Variants in CPNE2 observed in about 807,000 individuals in gnomAD.
CPNE2 encodes copine 2, also known as copine-2.
In CPNE2, 42 loss-of-function variants were observed where a neutral mutation model predicts 69.7. The observed-to-expected ratio is 0.60, with a 90% confidence interval of 0.47 to 0.78. CPNE2 has a LOEUF of 0.78. CPNE2 is among the 30% of genes least tolerant of loss of function. The pLI is 0.00. For missense variants in CPNE2, 587 were observed against 732.0 expected, an observed-to-expected ratio of 0.80 and a Z score of 2.29; for synonymous variants, 294 against 289.8, an observed-to-expected ratio of 1.01 and a Z score of -0.15.
rs889205535 is a variant in CPNE2 at position 57,132,752 on chromosome 16, G to A, written c.1117-2023G>A. 4.6e-5 allele frequency among the ~76,000 whole-genome samples: 7 copies of A among 152,170 alleles called. No homozygotes were observed. In the East Asian group the frequency reaches 7.7e-4, roughly 17 times the overall value. On this transcript the variant is annotated intron_variant, in intron 12 of 15. Coordinates refer to ENST00000290776, the MANE Select transcript of CPNE2 (RefSeq NM_152727.6). The stretch of plus-strand genomic sequence containing the variant: ...CTGAGCTGCCACTCCTGGTAGCATG[G>A]ACACTTGTCCCCAGGCCCCACTGTG...
chr16:57,093,849 G>C (rs923763425), intron 1 of CPNE2: 13 of 338,160 alleles, frequency 3.8e-5, no homozygotes, highest in Non-Finnish European at 7.0e-5. Context: ...TGGTTTTCAG[G>C]AAACAGGCGG....
chr16:57,138,250 T>C (rs2069897335), intron 14 of CPNE2, among the ~76,000 whole-genome samples: 1 of 152,180 alleles, frequency 6.6e-6, no homozygotes, highest in Non-Finnish European at 1.5e-5. Context: ...AGAGGGTTGC[T>C]GAAGTCACTT....
chr16:57,137,131 A>G lies in CPNE2; in HGVS notation c.1169-18A>G. 1 of 1,612,364 alleles carries G rather than the reference A, an allele frequency of 6.2e-7. No homozygotes were observed. The highest frequency in any genetic ancestry group is 8.5e-7 in the Non-Finnish European group (1 of 1,178,772). ...GGTCAGGGAGACCTGGCTGATCCAGACTCTTCTCCCGAGGCAGGTGTGGAT... is the reference window on the plus strand; with the variant it reads ...GGTCAGGGAGACCTGGCTGATCCAGGCTCTTCTCCCGAGGCAGGTGTGGAT... On this transcript the variant is annotated intron_variant, in intron 13 of 15. Transcript: ENST00000290776.
rs775923069 is a variant in CPNE2 at position 57,137,190 on chromosome 16, C to G, written c.1210C>G (p.His404Asp). The change falls in exon 14 of 16, where the codon CAC becomes GAC. Residue 404 changes from histidine (H) to aspartate (D), a missense_variant. Coordinates refer to ENST00000290776, the MANE Select transcript of CPNE2 (RefSeq NM_152727.6). ...IAQAYSACLP[H>D]IRFYGPTNFS... is the part of the protein sequence containing the mutation. ...CCAGGCGTACTCAGCTTGCCTGCCC[C>G]ACATCCGCTTCTACGGTCCTACCAA... The G allele has an allele frequency of 4.3e-6, 7 of 1,614,236 alleles. No individual in the cohort carries two copies. Among genetic ancestry groups the G allele is most frequent in the Non-Finnish European group, 5.1e-6 (6 of 1,180,044 alleles).
chr16:57,109,201 G>A (rs187438063), intron 1 of CPNE2, among the ~76,000 whole-genome samples: 98 of 152,274 alleles, frequency 6.4e-4, no homozygotes, highest in African/African-American at 2.3e-3. Context: ...ATAGCCAGGC[G>A]CGGTGGCTCA....
At chr16:57,103,924 GT>G (rs1156625565) in intron 1 of CPNE2, among the ~76,000 whole-genome samples, 1 of 152,072 alleles carries the variant, frequency 6.6e-6, no homozygotes, top group Non-Finnish European at 1.5e-5. Context: ...GTTGTTTTTT[GT>G]TTTTGTTTTG....
chr16:57,098,363 A>G lies in CPNE2; in HGVS notation c.-36+5573A>G, dbSNP rs540028546. Among the ~76,000 whole-genome samples, 5 of 152,310 alleles carry G rather than the reference A, an allele frequency of 3.3e-5. No individual in the cohort carries two copies. In the South Asian group the frequency reaches 8.3e-4, roughly 25 times the overall value. The stretch of plus-strand genomic sequence containing the variant: ...CCTCGGTGCAGAAATGATTTGTGTC[A>G]AGGTGCCGCCCCCACCTGGTCAGGA... On this transcript the variant is annotated intron_variant, in intron 1 of 15. Transcript: ENST00000290776.
chr16:57,111,636 C>G (rs1360560341), intron 2 of CPNE2, among the ~76,000 whole-genome samples: 1 of 152,246 alleles, frequency 6.6e-6, no homozygotes, highest in Non-Finnish European at 1.5e-5. Flanking sequence ...TGATGCTACT[C>G]CCTGCTGTGT....
chr16:57,134,736 G>T (rs1244185237), intron 12 of CPNE2, 39 bp from the exon 13 acceptor site: 2 of 1,613,090 alleles, frequency 1.2e-6, no homozygotes, highest in Non-Finnish European at 1.7e-6. Flanking sequence ...TGGGTTTGGG[G>T]GCGGGAGGCT....
chr16:57,132,165 G>T (rs2069842936), intron 12 of CPNE2, among the ~76,000 whole-genome samples: 1 of 152,206 alleles, frequency 6.6e-6, no homozygotes, highest in African/African-American at 2.4e-5. Context: ...ACCAGAAGGA[G>T]CACGTGACCA....
At chr16:57,124,030 C>T (rs1189224423) in intron 10 of CPNE2, 2 of 175,508 alleles carry the variant, frequency 1.1e-5, no homozygotes, top group African/African-American at 4.8e-5. Flanking sequence ...TCCCTCAATG[C>T]CTTGCTGCTC....
chr16:57,100,582 G>A (rs1430453226), intron 1 of CPNE2, among the ~76,000 whole-genome samples: 1 of 152,216 alleles, frequency 6.6e-6, no homozygotes, highest in Non-Finnish European at 1.5e-5. Context: ...AGGTAGAGTG[G>A]TATTGGGCTG....
intron 13 of CPNE2, among the ~76,000 whole-genome samples, chr16:57,135,072 C>T (rs2069868889): frequency 6.6e-6 from 1 of 152,190 alleles, no homozygotes; most frequent in South Asian, 2.1e-4. Flanking sequence ...GGGCCTTTGC[C>T]TCCTTACCTG....
At position 57,119,288 on chromosome 16, in the gene CPNE2, T is replaced by TG; in HGVS notation, c.591+15dup. The TG allele has an allele frequency of 1.2e-6, 2 of 1,613,584 alleles. No individual in the cohort carries two copies. The highest frequency in any genetic ancestry group is 1.7e-6 in the Non-Finnish European group (2 of 1,179,630). On this transcript the variant is annotated intron_variant, in intron 6 of 15. Transcript: ENST00000290776. ...GGTCCACAGGACTGAGGTGGGTACG[T>TG]GGGGGCCCAGGGATCTCTAAGCAGT...
Position 57,137,152 on chromosome 16 carries a change from T to TGA in CPNE2, c.1173_1174insAG (p.Asp392ArgfsTer273), listed in dbSNP as rs1426717052. 6.2e-7 allele frequency: 1 copy of TGA among 1,614,032 alleles called. No homozygotes were observed. Among genetic ancestry groups the TGA allele is most frequent in the South Asian group, 1.1e-5 (1 of 91,064 alleles). On this transcript the variant is annotated frameshift_variant, in exon 14 of 16. Coordinates refer to ENST00000290776, the MANE Select transcript of CPNE2 (RefSeq NM_152727.6). LOFTEE classifies it high-confidence loss of function. ...CCAGACTCTTCTCCCGAGGCAGGTG[T>TGA]GGATGGTATTGCCCAGGCGTACTCA...
At chr16:57,099,034 A>G (rs1156818174) in intron 1 of CPNE2, among the ~76,000 whole-genome samples, 1 of 152,176 alleles carries the variant, frequency 6.6e-6, no homozygotes, top group Non-Finnish European at 1.5e-5. Context: ...TCACAAACCA[A>G]CATATCTGGG....
chr16:57,096,413 C>A (rs532408021), intron 1 of CPNE2, among the ~76,000 whole-genome samples: 1 of 152,032 alleles, frequency 6.6e-6, no homozygotes, highest in Non-Finnish European at 1.5e-5. Context: ...ATGGGAGAGC[C>A]GGGCGTGGTG....
intron 1 of CPNE2, among the ~76,000 whole-genome samples, chr16:57,096,992 G>A (rs1454790427): frequency 2.0e-5 from 3 of 152,000 alleles, no homozygotes; most frequent in African/African-American, 7.2e-5. Flanking sequence ...CCCTGTGGTG[G>A]GGACATGCCT....
At chr16:57,094,507 G>C (rs896634449) in intron 1 of CPNE2, among the ~76,000 whole-genome samples, 2 of 152,128 alleles carry the variant, frequency 1.3e-5, no homozygotes, top group Non-Finnish European at 2.9e-5. Context: ...GTAAGTACTG[G>C]ACCCCATCTG....
Sources: gnomAD v4.1 joint callset for allele counts (sites outside exome capture counted in the v4.1 genomes callset) on GRCh38, gnomAD v4.1.1 for gene constraint, MANE v1.5 for transcripts, NCBI Gene and HGNC (gene_info 2026-07-23, HGNC 2026-07-21) for gene names.